The following SPATA6 variants were observed in gnomAD, a reference collection of about 807,000 sequenced individuals.
SPATA6 encodes the protein spermatogenesis-associated protein 6.
Under a neutral mutation model 65.3 loss-of-function variants are expected in SPATA6, and 56 were observed. The observed-to-expected ratio is 0.86, with a 90% confidence interval of 0.69 to 1.07. The LOEUF (loss-of-function observed/expected upper bound fraction) is 1.07. Among genes scored for constraint, SPATA6 ranks in the 50% least tolerant of loss-of-function variants. SPATA6 has a pLI of 0.00. For missense variants in SPATA6, 590 were observed against 594.8 expected (o/e 0.99, Z 0.08); for synonymous variants, 199 against 213.2 (o/e 0.93, Z 0.58).
At chr1:48,431,563 AG>A (rs2148059758) in intron 3 of SPATA6, among the ~76,000 whole-genome samples, 1 of 152,334 alleles carries the variant, frequency 6.6e-6, no homozygotes, top group South Asian at 2.1e-4. Context: ...AGATTTAGGA[AG>A]ATGGATATAC....
intron 11 of SPATA6, among the ~76,000 whole-genome samples, chr1:48,315,439 C>T (rs1210451869): frequency 6.6e-6 from 1 of 152,078 alleles, no homozygotes; most frequent in Non-Finnish European, 1.5e-5. Context: ...AAGACAAAAA[C>T]GACATGATTA....
chr1:48,328,366 TCAACTGATGAATGGATA>T (rs1022245683), intron 11 of SPATA6, among the ~76,000 whole-genome samples: 85 of 152,102 alleles, frequency 5.6e-4, no homozygotes, highest in Non-Finnish European at 9.7e-4. Flanking sequence ...GATCCATCCA[TCAACTGATGAATGGATA>T]AAAAAAAGTG....
At chr1:48,356,588 A>C (rs901276392) in intron 10 of SPATA6, among the ~76,000 whole-genome samples, 4 of 148,474 alleles carry the variant, frequency 2.7e-5, no homozygotes, top group Non-Finnish European at 5.9e-5. Flanking sequence ...ACCTTGGTTA[A>C]CTGCAACCTC....
chr1:48,436,467 A>G, intron 3 of SPATA6: 4 of 1,607,192 alleles, frequency 2.5e-6, no homozygotes, highest in Non-Finnish European at 3.4e-6. Context: ...TTATCTTTGG[A>G]GCTGTGAGAG....
chr1:48,400,051 T>C (rs1306583535), intron 6 of SPATA6, among the ~76,000 whole-genome samples: 1 of 151,950 alleles, frequency 6.6e-6, no homozygotes, highest in Non-Finnish European at 1.5e-5. Context: ...TAAAAATACA[T>C]GCCAGATTAG....
At chr1:48,351,381 T>C (rs1646510182) in intron 11 of SPATA6, among the ~76,000 whole-genome samples, 1 of 151,994 alleles carries the variant, frequency 6.6e-6, no homozygotes, top group Non-Finnish European at 1.5e-5. Flanking sequence ...AAGAAAACAA[T>C]GCTTTGTTTC....
chr1:48,262,090 G>A, the SPATA6 span: 1 of 152,102 alleles, frequency 6.6e-6, no homozygotes, highest in African/African-American at 2.4e-5. Flanking sequence ...GCAGTGAGCT[G>A]AGAGCATAAA....
intron 9 of SPATA6, among the ~76,000 whole-genome samples, chr1:48,375,505 C>T (rs561839126): frequency 1.1e-4 from 16 of 152,186 alleles, no homozygotes; most frequent in South Asian, 4.2e-4. Flanking sequence ...ATCATGAAAA[C>T]GTTCCTCTGT....
intron 8 of SPATA6, among the ~76,000 whole-genome samples, chr1:48,390,413 G>C (rs1430437591): frequency 6.6e-6 from 1 of 152,118 alleles, no homozygotes; most frequent in Non-Finnish European, 1.5e-5. Context: ...GGGAAGGATG[G>C]GTTGGTAGGG....
chr1:48,364,642 T>A (rs894205984), intron 9 of SPATA6, among the ~76,000 whole-genome samples: 5 of 152,156 alleles, frequency 3.3e-5, no homozygotes, highest in East Asian at 1.9e-4. Flanking sequence ...AACTTTTTGA[T>A]GGGGTTGTTT....
At chr1:48,467,110 T>C (rs183383170) in intron 1 of SPATA6, among the ~76,000 whole-genome samples, 187 of 152,270 alleles carry the variant, frequency 1.2e-3, no homozygotes, top group Admixed American at 7.0e-3. Flanking sequence ...CTTAGCATAC[T>C]ATGTCATTCT....
chr1:48,413,235 C>T, intron 3 of SPATA6, 84 bp from the exon 4 acceptor site: 1 of 559,680 alleles, frequency 1.8e-6, no homozygotes, highest in Non-Finnish European at 2.8e-6. Flanking sequence ...TGTCTAAAAG[C>T]CAAAGTAATC....
intron 9 of SPATA6, among the ~76,000 whole-genome samples, chr1:48,362,660 C>T (rs1372169373): frequency 1.9e-5 from 1 of 53,622 alleles, no homozygotes; most frequent in Non-Finnish European, 3.5e-5. Flanking sequence ...ACAATAACTG[C>T]AAAAAGAAAT....
chr1:48,273,784 A>T, the SPATA6 span, among the ~76,000 whole-genome samples: 1 of 152,314 alleles, frequency 6.6e-6, no homozygotes, highest in Middle Eastern at 3.4e-3. Context: ...GCTATTGTGA[A>T]CAGTGCTTCA....
chr1:48,354,480 T>G (rs1363723864), intron 11 of SPATA6, among the ~76,000 whole-genome samples: 1 of 152,010 alleles, frequency 6.6e-6, no homozygotes, highest in Admixed American at 6.6e-5. Context: ...ACAAACCAAA[T>G]GCGCACCAAT....
Position 48,417,177 on chromosome 1 carries a change from T to G in SPATA6, c.239-4026A>C, listed in dbSNP as rs371448240. ...TATGATGTTCATTATTTAAAGACAA[T>G]GCAAACACAAAATGTTCAAAGTAAT... On this transcript the variant is annotated intron_variant, in intron 3 of 12. Transcript: ENST00000371847. Among the ~76,000 whole-genome samples the G allele has an allele frequency of 7.2e-5, 11 of 152,258 alleles. No individual in the cohort carries two copies. The East Asian group carries it at 2.1e-3, about 29-fold the overall frequency.
chr1:48,276,598 A>G, the SPATA6 span, among the ~76,000 whole-genome samples: 3 of 152,262 alleles, frequency 2.0e-5, no homozygotes, highest in East Asian at 3.9e-4. Flanking sequence ...TTACCCAGAA[A>G]TCATTCAGGA....
intron 8 of SPATA6, among the ~76,000 whole-genome samples, chr1:48,392,361 T>G (rs1182200123): frequency 6.6e-6 from 1 of 152,160 alleles, no homozygotes; most frequent in Non-Finnish European, 1.5e-5. Flanking sequence ...CTTGATTTCC[T>G]CTTCAAATAT....
At chr1:48,463,938 CA>C (rs1415474576) in intron 1 of SPATA6, among the ~76,000 whole-genome samples, 3 of 147,754 alleles carry the variant, frequency 2.0e-5, no homozygotes, top group Admixed American at 2.0e-4. Flanking sequence ...AGTTCAACAT[CA>C]AAAAGTGTCA....
Sources: allele counts gnomAD v4.1 joint callset (sites outside exome capture counted in the v4.1 genomes callset), GRCh38; gene constraint gnomAD v4.1.1; transcripts MANE v1.5; gene names NCBI Gene and HGNC (gene_info 2026-07-23, HGNC 2026-07-21).